SHCBP1: variants seen among roughly 807,000 people sequenced by gnomAD.
SHCBP1 encodes the protein SHC SH2 domain-binding protein 1.
Under a neutral mutation model 75.1 loss-of-function variants are expected in SHCBP1, and 60 were observed. The observed-to-expected ratio is 0.80, with a 90% CI of 0.65 to 0.99. The LOEUF (loss-of-function observed/expected upper bound fraction) is 0.99. Ranked by LOEUF, SHCBP1 falls within the 50% of genes least tolerant of loss-of-function variation. The pLI is 0.00. For synonymous variants in SHCBP1, 290 were observed against 293.2 expected, an observed-to-expected ratio of 0.99 and a Z score of 0.11; for missense variants, 709 against 809.4, an observed-to-expected ratio of 0.88 and a Z score of 1.50.
chr16:46,593,915 G>T (rs1003656453), intron 10 of SHCBP1, among the ~76,000 whole-genome samples: 1 of 152,112 alleles, frequency 6.6e-6, no homozygotes, highest in African/African-American at 2.4e-5. Context: ...CATTTGTATT[G>T]AAAAGCAAAG....
intron 10 of SHCBP1, among the ~76,000 whole-genome samples, chr16:46,588,735 C>A (rs955007770): frequency 4.6e-5 from 7 of 152,196 alleles, no homozygotes; most frequent in African/African-American, 1.7e-4. Flanking sequence ...CCGAATTCTA[C>A]CAGAGGTACA....
rs368568048 is a variant in SHCBP1, at chr16:46,578,913, A to C, written c.*2816T>G. Among the ~76,000 whole-genome samples the C allele has an allele frequency of 1.3e-5, 2 of 152,178 alleles. No individual in the cohort carries two copies. Among genetic ancestry groups the C allele is most frequent in the African/African-American group, 4.8e-5 (2 of 41,450 alleles). ...ATCAGTGTTCTATTGAACTTTCTTC[A>C]ATCTCCCTCTGAAAAGCAAAATCCA... On this transcript the variant is annotated 3_prime_UTR_variant, in exon 13 of 13. Transcript: ENST00000303383.
intron 11 of SHCBP1, 58 bp downstream of exon 11, chr16:46,583,945 A>C (rs182540695): frequency 1.3e-4 from 184 of 1,418,862 alleles, no homozygotes; most frequent in Non-Finnish European, 1.7e-4. Flanking sequence ...AATAAAGCAT[A>C]ATTTGTAGGT....
chr16:46,589,411 A>C (rs953969949), intron 10 of SHCBP1, among the ~76,000 whole-genome samples: 1 of 152,228 alleles, frequency 6.6e-6, no homozygotes, highest in Non-Finnish European at 1.5e-5. Context: ...ACATGATTGC[A>C]TATCTAGAAA....
At chr16:46,599,360 T>G (rs570828767) in intron 9 of SHCBP1, among the ~76,000 whole-genome samples, 1 of 152,210 alleles carries the variant, frequency 6.6e-6, no homozygotes, top group South Asian at 2.1e-4. Context: ...TGGCCTAATT[T>G]CAATATTGCT....
At chr16:46,611,954 A>T (rs150722725) in intron 4 of SHCBP1, among the ~76,000 whole-genome samples, 9 of 152,314 alleles carry the variant, frequency 5.9e-5, no homozygotes, top group Non-Finnish European at 8.8e-5. Flanking sequence ...TATTGGTTGG[A>T]ATACTTTTAT....
At chr16:46,601,418 A>G (rs1471510454) in intron 8 of SHCBP1, among the ~76,000 whole-genome samples, 1 of 152,254 alleles carries the variant, frequency 6.6e-6, no homozygotes, top group Non-Finnish European at 1.5e-5. Context: ...TCAGAAAACT[A>G]AAGAATTCGC....
chr16:46,582,283 G>A (rs552631013), intron 12 of SHCBP1, among the ~76,000 whole-genome samples: 4 of 152,162 alleles, frequency 2.6e-5, no homozygotes, highest in South Asian at 2.1e-4. Flanking sequence ...TAAGCACTGC[G>A]TTAGGAGATA....
At chr16:46,604,531 C>G (rs1179805761) in intron 5 of SHCBP1, 70 bp from the exon 6 acceptor site, 1 of 1,079,398 alleles carries the variant, frequency 9.3e-7, no homozygotes, top group South Asian at 1.4e-5. Flanking sequence ...AAACAGCCCA[C>G]TTAGCCCTCA....
chr16:46,582,097 T>G, intron 12 of SHCBP1, 43 bp from the exon 13 acceptor site: 1 of 1,539,734 alleles, frequency 6.5e-7, no homozygotes, highest in Middle Eastern at 1.7e-4. Context: ...ATATACAAGC[T>G]AACCCAACAA....
At chr16:46,606,543 C>G (rs1163847764) in intron 5 of SHCBP1, among the ~76,000 whole-genome samples, 1 of 152,140 alleles carries the variant, frequency 6.6e-6, no homozygotes, top group African/African-American at 2.4e-5. Context: ...CAATTTTTTT[C>G]CAAGTAAAGA....
chr16:46,583,412 C>A, intron 12 of SHCBP1, 104 bp downstream of exon 12: 1 of 1,257,090 alleles, frequency 8.0e-7, no homozygotes, highest in Non-Finnish European at 1.1e-6. Context: ...AAGCATATCC[C>A]AACAACCTTT....
intron 10 of SHCBP1, 114 bp from the exon 11 acceptor site, chr16:46,584,203 A>T: frequency 1.6e-6 from 1 of 640,938 alleles, no homozygotes; most frequent in Non-Finnish European, 2.5e-6. Flanking sequence ...GCACAAAGAT[A>T]AAGTACTTTA....
intron 8 of SHCBP1, among the ~76,000 whole-genome samples, chr16:46,603,112 C>T (rs556453215): frequency 2.6e-5 from 4 of 151,786 alleles, no homozygotes; most frequent in Non-Finnish European, 5.9e-5. Context: ...AAGTGTGAAA[C>T]AAAAAACAAA....
intron 8 of SHCBP1, among the ~76,000 whole-genome samples, chr16:46,602,111 C>T (rs1159507619): frequency 1.3e-5 from 2 of 152,162 alleles, no homozygotes; most frequent in Admixed American, 1.3e-4. Context: ...CCATTTATGA[C>T]ACTCTGGCAA....
intron 4 of SHCBP1, among the ~76,000 whole-genome samples, chr16:46,613,465 C>T (rs888824993): frequency 3.9e-5 from 6 of 152,106 alleles, no homozygotes; most frequent in Admixed American, 2.6e-4. Context: ...CCCCTGCCAG[C>T]CTCTCTAATC....
At chr16:46,582,672 C>A (rs1285197592) in intron 12 of SHCBP1, among the ~76,000 whole-genome samples, 1 of 152,190 alleles carries the variant, frequency 6.6e-6, no homozygotes, top group Non-Finnish European at 1.5e-5. Flanking sequence ...GGAATGAATT[C>A]TGCCCATGAA....
At chr16:46,603,197 T>A (rs1415999937) in intron 8 of SHCBP1, among the ~76,000 whole-genome samples, 1 of 152,234 alleles carries the variant, frequency 6.6e-6, no homozygotes, top group Non-Finnish European at 1.5e-5. Context: ...CTAAAATTTT[T>A]AAAAATATTG....
At chr16:46,588,799 G>A (rs536456832) in intron 10 of SHCBP1, among the ~76,000 whole-genome samples, 2 of 152,202 alleles carry the variant, frequency 1.3e-5, no homozygotes, top group South Asian at 2.1e-4. Flanking sequence ...AGAAAAAGAG[G>A]GAATCCTCCC....
Sources: gnomAD v4.1 joint callset for allele counts (sites outside exome capture counted in the v4.1 genomes callset) on GRCh38, gnomAD v4.1.1 for gene constraint, MANE v1.5 for transcripts, NCBI Gene and HGNC (gene_info 2026-07-23, HGNC 2026-07-21) for gene names.